KRT2: variants seen among roughly 807,000 people sequenced by gnomAD.
The protein encoded by KRT2 is keratin, type II cytoskeletal 2 epidermal.
A neutral mutation model predicts 48.5 loss-of-function variants in KRT2; 37 were observed. That is an observed-to-expected ratio of 0.76 (90% confidence interval 0.59 to 1.00). The LOEUF (loss-of-function observed/expected upper bound fraction) is 1.00. Among genes scored for constraint, KRT2 ranks in the 50% least tolerant of loss-of-function variants. The pLI is 0.00. For synonymous variants in KRT2, 324 were observed against 312.2 expected (o/e 1.04, Z -0.40); for missense variants, 880 against 815.2 (o/e 1.08, Z -0.97).
At chr12:52,650,070 T>A in intron 2 of KRT2, 96 bp from the exon 3 acceptor site, 1 of 921,782 alleles carries the variant, frequency 1.1e-6, no homozygotes, top group Non-Finnish European at 1.8e-6. Context: ...CCCCATTCTC[T>A]GGGAATATTA....
Position 52,651,976 on chromosome 12 carries a change from C to T in KRT2, c.167G>A (p.Gly56Asp). 1 of 1,613,564 alleles carries T rather than the reference C, an allele frequency of 6.2e-7. No homozygotes were observed. Among genetic ancestry groups the T allele is most frequent in the South Asian group, 1.1e-5 (1 of 91,070 alleles). ...AACAAGACTCCGACTGCCAAAGCCGCCTCCACCGAAGCCCCCGCCACCACC... is the reference window on the plus strand; with the variant it reads ...AACAAGACTCCGACTGCCAAAGCCGTCTCCACCGAAGCCCCCGCCACCACC... Reference protein sequence around the residue: ...HGGGGGGFGGGGFGSRSLVGL... With the variant: ...HGGGGGGFGGDGFGSRSLVGL... Residue 56 changes from glycine (G) to aspartate (D), a missense_variant, in exon 1 of 9, where the codon GGC (glycine) becomes GAC (aspartate). Coordinates refer to ENST00000309680, the MANE Select transcript of KRT2 (RefSeq NM_000423.3).
In KRT2 at chr12:52,652,026, G is replaced by A. The variant is rs1159220914; in HGVS notation, c.117C>T (p.Ser39=). The change falls in exon 1 of 9, where the codon AGC becomes AGT. Residue 39 remains serine (S), a synonymous_variant. Transcript: ENST00000309680. ...CACCATGGCGGCTCAAGCAGGAGAA[G>A]CTGGAAGTTGATCTCCGGCTTCCAC... ...VSGGSRRSTS[S]FSCLSRHGGG... 1 of 1,608,798 alleles carries A rather than the reference G, an allele frequency of 6.2e-7. No homozygotes were observed. Among genetic ancestry groups the A allele is most frequent in the South Asian group, 1.1e-5 (1 of 91,054 alleles).
rs1398684585 is a variant in KRT2, at chr12:52,651,477, A to G, written c.585+81T>C. On this transcript the variant is annotated intron_variant, in intron 1 of 8. Transcript: ENST00000309680. ...ACACCACTGGCTCCTAAGAAATACA[A>G]ATCTGTGCCATTTTCTTTTTGGTTG... 2.7e-6 allele frequency: 3 copies of G among 1,120,138 alleles called. No individual in the cohort carries two copies. In the African/African-American group the frequency reaches 4.6e-5, roughly 17 times the overall value. 69.4% of individuals were successfully genotyped at this position (1,120,138 alleles called of 1,614,324 possible).
intron 1 of KRT2, chr12:52,650,798 T>C: frequency 1.8e-6 from 1 of 551,918 alleles, no homozygotes; most frequent in Non-Finnish European, 3.3e-6. Flanking sequence ...CACTGCTCAC[T>C]GGTTTGTTTG....
chr12:52,649,962 T>G lies in KRT2; in HGVS notation c.813A>C (p.Glu271Asp). ...VEDYKKKYEDEINKRTAAEND... is the reference protein window; with the variant it reads ...VEDYKKKYEDDINKRTAAEND... ...TCTCAGCAGCTGTGCGCTTATTGAT[T>G]TCATCCTCATACCTATTGGGACACA... The change falls in exon 3 of 9, where the codon GAA becomes GAC. Residue 271 changes from glutamate (E) to aspartate (D), a missense_variant. Transcript: ENST00000309680. 1 of 1,612,306 alleles carries G rather than the reference T, an allele frequency of 6.2e-7. No homozygotes were observed. Among genetic ancestry groups the G allele is most frequent in the Non-Finnish European group, 8.5e-7 (1 of 1,178,308 alleles).
chr12:52,649,847 G>A (rs1941221675), intron 3 of KRT2, 67 bp downstream of exon 3: 10 of 1,222,794 alleles, frequency 8.2e-6, no homozygotes, highest in Admixed American at 6.7e-5. Flanking sequence ...CAAACTGGCT[G>A]CTTAGACACA....
chr12:52,644,981 T>G lies in KRT2; in HGVS notation c.*38A>C, dbSNP rs556949939. 1.2e-6 allele frequency: 2 copies of G among 1,611,036 alleles called. No individual in the cohort carries two copies. The highest frequency in any genetic ancestry group is 1.7e-6 in the Non-Finnish European group (2 of 1,177,996). ...GCTTCTACATTCTGGAGTGGGAGAG[T>G]CTGGGTTGGGAGAGTCGGTGGTGGT... On this transcript the variant is annotated 3_prime_UTR_variant, in exon 9 of 9. Transcript: ENST00000309680.
chr12:52,650,405 GCAGTGAGCCCATC>G lies in KRT2; in HGVS notation c.721_733del (p.Asp241GlnfsTer10). 6.2e-7 allele frequency: 1 copy of G among 1,614,204 alleles called. No individual in the cohort carries two copies. Among genetic ancestry groups the G allele is most frequent in the Non-Finnish European group, 8.5e-7 (1 of 1,180,024 alleles). On this transcript the variant is annotated frameshift_variant, in exon 2 of 9. Coordinates refer to ENST00000309680, the MANE Select transcript of KRT2 (RefSeq NM_000423.3). LOFTEE classifies it high-confidence loss of function. ...CTCTGAATTCTGTGATGTTCTTTCTGCAGTGAGCCCATCCAGATATCTCTTGAGGCTGTCGATA... is the reference window on the plus strand; with the variant it reads ...CTCTGAATTCTGTGATGTTCTTTCTGCAGATATCTCTTGAGGCTGTCGATA...
rs759623198 is a variant in KRT2, at chr12:52,646,964, T to C, written c.1249-4A>G. ...TGGCATCTTGCACATTCTTACACTA[T>C]GACAGAAGGACAGAGAATGGATTCT... On this transcript the variant is annotated splice_region_variant and splice_polypyrimidine_tract_variant and intron_variant, in intron 6 of 8. Transcript: ENST00000309680. 95 of 1,612,870 alleles carry C rather than the reference T, an allele frequency of 5.9e-5. No individual in the cohort carries two copies. The highest frequency in any genetic ancestry group is 1.4e-5 in the Non-Finnish European group (16 of 1,179,150).
At chr12:52,650,037 T>G in intron 2 of KRT2, 63 bp from the exon 3 acceptor site, 1 of 1,220,002 alleles carries the variant, frequency 8.2e-7, no homozygotes, top group Non-Finnish European at 1.2e-6. Context: ...TCTTTTCCTT[T>G]TATACTGGAT....
chr12:52,650,497 T>C lies in KRT2; in HGVS notation c.642A>G (p.Gln214=). 6.2e-7 allele frequency: 1 copy of C among 1,613,520 alleles called. No individual in the cohort carries two copies. The highest frequency in any genetic ancestry group is 8.5e-7 in the Non-Finnish European group (1 of 1,180,026). Residue 214 remains glutamine, a synonymous_variant, in exon 2 of 9, where the codon CAA becomes CAG. Coordinates refer to ENST00000309680, the MANE Select transcript of KRT2 (RefSeq NM_000423.3). ...QVLQTKWELL[Q]QMNVGTRPIN... ...TGGGGCGGGTGCCAACATTCATTTG[T>C]TGTAGCAGCTCCCATTTGGTCTGTA...
intron 4 of KRT2, 136 bp downstream of exon 4, chr12:52,648,856 ATGAAAGCCCCCCCAG>A: frequency 1.5e-6 from 1 of 686,930 alleles, no homozygotes; most frequent in East Asian, 2.8e-5. Context: ...GACCTATGCT[ATGAAAGCCCCCCCAG>A]TGGCCTGGAA....
At position 52,651,654 on chromosome 12, in the gene KRT2, G is replaced by A. The variant is rs764179546; in HGVS notation, c.489C>T (p.Leu163=). ...VSVNQSLLQP[L]NVKVDPEIQN... ...GGATCTCTGGGTCAACTTTCACGTT[G>A]AGAGGCTGCAGGAGGCTCTGGTTGA... The change falls in exon 1 of 9, where the codon CTC becomes CTT. Residue 163 remains leucine, a synonymous_variant. Transcript: ENST00000309680. 37 of 1,613,946 alleles carry A rather than the reference G, an allele frequency of 2.3e-5. No individual in the cohort carries two copies. Among genetic ancestry groups the A allele is most frequent in the Non-Finnish European group, 2.9e-5 (34 of 1,180,000 alleles).
chr12:52,645,005 G>T lies in KRT2; in HGVS notation c.*14C>A, dbSNP rs766184973. ...GTCTGGGTTGGGAGAGTCGGTGGTG[G>T]TGGGGGCTCATCTTTATCTAAAAGA... On this transcript the variant is annotated 3_prime_UTR_variant, in exon 9 of 9. Transcript: ENST00000309680. The T allele has an allele frequency of 6.2e-7, 1 of 1,613,782 alleles. No homozygotes were observed. The highest frequency in any genetic ancestry group is 1.7e-5 in the Admixed American group (1 of 59,998).
chr12:52,648,953 T>C, intron 4 of KRT2, 54 bp downstream of exon 4: 3 of 1,147,964 alleles, frequency 2.6e-6, no homozygotes, highest in Non-Finnish European at 4.0e-6. Context: ...GAAAGGACTT[T>C]CATTTGGTGA....
rs985667573 is a variant in KRT2, at chr12:52,646,885, A to G, written c.1324T>C (p.Leu442=). 1 of 1,613,922 alleles carries G rather than the reference A, an allele frequency of 6.2e-7. No homozygotes were observed. The highest frequency in any genetic ancestry group is 8.5e-7 in the Non-Finnish European group (1 of 1,179,952). Residue 442 remains leucine (L), a synonymous_variant, in exon 7 of 9, where the codon TTG becomes CTG. Coordinates refer to ENST00000309680, the MANE Select transcript of KRT2 (RefSeq NM_000423.3). ...EHALKDARNK[L]NDLEEALQQA... The stretch of plus-strand genomic sequence containing the variant: ...TGCAGGGCCTCCTCCAGGTCATTCA[A>G]CTTGTTCCTGGCATCCTTGAGGGCA...
In KRT2 at chr12:52,650,406, C is replaced by A; in HGVS notation, c.733G>T (p.Ala245Ser). Residue 245 changes from alanine to serine, a missense_variant, in exon 2 of 9, where the codon GCA becomes TCA. Physicochemically the swap from Ala to Ser is moderately conservative, Grantham distance 99. Coordinates refer to ENST00000309680, the MANE Select transcript of KRT2 (RefSeq NM_000423.3). ...TCTGAATTCTGTGATGTTCTTTCTGCAGTGAGCCCATCCAGATATCTCTTG... is the reference window on the plus strand; with the variant it reads ...TCTGAATTCTGTGATGTTCTTTCTGAAGTGAGCCCATCCAGATATCTCTTG... ...SLKRYLDGLT[A>S]ERTSQNSELN... The A allele has an allele frequency of 6.2e-7, 1 of 1,614,238 alleles. No homozygotes were observed. Among genetic ancestry groups the A allele is most frequent in the Non-Finnish European group, 8.5e-7 (1 of 1,180,030 alleles).
In KRT2 at chr12:52,648,269, G is replaced by A. The variant is rs200345029; in HGVS notation, c.1026C>T (p.Asn342=). ...CGGCGATGATGCTATCCAAGTCCAG[G>A]TTGCGGCTGTTGTCCATGGAGAGGA... ...NVILSMDNSR[N]LDLDSIIAEV... is the part of the protein sequence containing the mutation. The change falls in exon 5 of 9, where the codon AAC becomes AAT. Residue 342 remains asparagine (N), a synonymous_variant. Coordinates refer to ENST00000309680, the MANE Select transcript of KRT2 (RefSeq NM_000423.3). 3 of 1,614,104 alleles carry A rather than the reference G, an allele frequency of 1.9e-6. No homozygotes were observed. Among genetic ancestry groups the A allele is most frequent in the African/African-American group, 2.7e-5 (2 of 75,030 alleles).
intron 2 of KRT2, 149 bp from the exon 3 acceptor site, chr12:52,650,123 T>C: frequency 2.6e-6 from 2 of 776,078 alleles, no homozygotes; most frequent in Admixed American, 2.1e-5. Context: ...ATTTCCAAAC[T>C]AAAGATATAT....
Sources: allele counts gnomAD v4.1 joint callset, GRCh38; gene constraint gnomAD v4.1.1; transcripts MANE v1.5; gene names NCBI Gene and HGNC (gene_info 2026-07-23, HGNC 2026-07-21).